Variants in PURG observed in about 807,000 individuals in gnomAD.
PURG encodes the protein purine-rich element-binding protein gamma.
Under a neutral mutation model 24.3 loss-of-function variants are expected in PURG, and 3 were observed. The observed-to-expected ratio is 0.12, with a 90% CI of 0.06 to 0.32. The LOEUF (loss-of-function observed/expected upper bound fraction) is 0.32. Ranked by LOEUF, PURG falls within the 10% of genes least tolerant of loss-of-function variation. PURG has a pLI of 1.00. For missense variants in PURG, 371 were observed against 439.1 expected (o/e 0.84, Z 1.39); for synonymous variants, 180 against 173.1 (o/e 1.04, Z -0.31).
intron 1 of PURG, among the ~76,000 whole-genome samples, chr8:31,013,276 G>A (rs571512475): frequency 2.0e-5 from 3 of 152,192 alleles, no homozygotes; most frequent in South Asian, 2.1e-4. Flanking sequence ...AGAGGAGTAC[G>A]GTTTAATAAC....
chr8:30,997,684 T>C (rs1169389016), intron 1 of PURG, among the ~76,000 whole-genome samples: 1 of 151,890 alleles, frequency 6.6e-6, no homozygotes, highest in East Asian at 1.9e-4. Flanking sequence ...AAGTGGAGTT[T>C]GTCCACTTTG....
intron 1 of PURG, among the ~76,000 whole-genome samples, chr8:31,015,284 T>G (rs1483330741): frequency 6.6e-6 from 1 of 152,154 alleles, no homozygotes. Flanking sequence ...ACAACATTAC[T>G]GAACACTTAG....
rs765573180 is a variant in PURG at position 31,032,592 on chromosome 8, C to T, written c.191G>A (p.Arg64Gln). 6.2e-7 allele frequency: 1 copy of T among 1,610,442 alleles called. No individual in the cohort carries two copies. The highest frequency in any genetic ancestry group is 8.5e-7 in the Non-Finnish European group (1 of 1,177,400). The part of the protein sequence containing the change: ...AAEIQELASK[R>Q]VDIQKKRFYL... ...AAACCTCTTTTTCTGGATGTCCACT[C>T]GTTTGGAGGCCAGCTCCTGGATTTC... Residue 64 changes from arginine (R) to glutamine (Q), a missense_variant, in exon 2 of 2, where the codon CGA (arginine) becomes CAA (glutamine). Arg to Gln is a conservative substitution (Grantham distance 43). This residue lies in a region of PURG where 213 missense variants were observed against 230.6 expected (regional missense o/e 0.92). Transcript: ENST00000523392. This position sits in a 1 kb window ranked among gnomAD's most constrained non-coding sequence, Gnocchi z 5.9.
At chr8:31,014,502 T>C (rs1426590982) in intron 1 of PURG, among the ~76,000 whole-genome samples, 1 of 152,242 alleles carries the variant, frequency 6.6e-6, no homozygotes, top group African/African-American at 2.4e-5. Context: ...AGTATTTTCT[T>C]ACTGCCAAAG....
chr8:31,018,154 T>C (rs1317574770), intron 1 of PURG, among the ~76,000 whole-genome samples: 2 of 152,226 alleles, frequency 1.3e-5, no homozygotes, highest in Non-Finnish European at 2.9e-5. Flanking sequence ...TAAAACCTAG[T>C]TCTTACGTTG....
chr8:30,999,774 G>A (rs529720428), intron 1 of PURG, among the ~76,000 whole-genome samples: 1 of 152,048 alleles, frequency 6.6e-6, no homozygotes, highest in East Asian at 1.9e-4. Flanking sequence ...TAATCAAGGA[G>A]ATGATACTTT....
intron 1 of PURG, among the ~76,000 whole-genome samples, chr8:31,017,645 A>G (rs1474327401): frequency 1.3e-5 from 2 of 152,178 alleles, no homozygotes; most frequent in Non-Finnish European, 2.9e-5. Context: ...AGTGACAAGA[A>G]AAAAGTGGAC....
At position 31,008,496 on chromosome 8, in the gene PURG, G is replaced by A. The variant is rs184283591; in HGVS notation, c.865-11799C>T. On this transcript the variant is annotated intron_variant, in intron 1 of 1. Transcript: ENST00000339382. Reference sequence around the variant, plus strand: ...TTTTTGTATTTTTAGTAAAGATGGGGTTTCACCATGTTGGCCAGGCTGGTC... The same window carrying A: ...TTTTTGTATTTTTAGTAAAGATGGGATTTCACCATGTTGGCCAGGCTGGTC... Among the ~76,000 whole-genome samples the A allele has an allele frequency of 7.2e-5, 11 of 152,254 alleles. No individual in the cohort carries two copies. The East Asian group carries it at 1.7e-3, about 24-fold the overall frequency.
intron 1 of PURG, among the ~76,000 whole-genome samples, chr8:31,022,898 T>A (rs989491258): frequency 6.6e-6 from 1 of 152,250 alleles, no homozygotes; most frequent in African/African-American, 2.4e-5. Flanking sequence ...TCTGTATATA[T>A]CTTTATCCTT....
chr8:31,017,582 C>T (rs1810899639), intron 1 of PURG, among the ~76,000 whole-genome samples: 1 of 152,072 alleles, frequency 6.6e-6, no homozygotes, highest in African/African-American at 2.4e-5. Context: ...TATTTGCCCA[C>T]TTGAAATCTG....
chr8:31,004,561 G>A (rs1810605414), intron 1 of PURG, among the ~76,000 whole-genome samples: 1 of 152,098 alleles, frequency 6.6e-6, no homozygotes, highest in African/African-American at 2.4e-5. Flanking sequence ...CAGCTACTAG[G>A]GAGGCTGAGG....
exon 2 of PURG, chr8:30,996,312 GTC>G (rs1810426847): frequency 4.3e-6 from 1 of 230,106 alleles, no homozygotes; most frequent in African/African-American, 2.3e-5. Context: ...AAATCTATAT[GTC>G]TCTCTACCTC....
chr8:31,032,045 T>G lies in PURG; in HGVS notation c.738A>C (p.Gly246=). Residue 246 remains glycine, a synonymous_variant, in exon 2 of 2, where the codon GGA becomes GGC. Coordinates refer to ENST00000523392, the MANE Select transcript of PURG (RefSeq NM_001323311.2). This position sits in a 1 kb window ranked among gnomAD's most constrained non-coding sequence, Gnocchi z 5.9. ...CTCCACCTCTTCGTTCTTCTATGTC[T>G]CCTTCGCCATAGTCTTCAATCAGCT... ...LVQLIEDYGE[G]DIEERRGGDD... is the part of the protein sequence containing the mutation. 1 of 1,614,160 alleles carries G rather than the reference T, an allele frequency of 6.2e-7. No individual in the cohort carries two copies. Among genetic ancestry groups the G allele is most frequent in the Non-Finnish European group, 8.5e-7 (1 of 1,180,024 alleles).
Position 31,031,710 on chromosome 8 carries a change from A to G in PURG, c.*29T>C. 1.3e-6 allele frequency: 2 copies of G among 1,509,834 alleles called. No individual in the cohort carries two copies. The highest frequency in any genetic ancestry group is 1.8e-6 in the Non-Finnish European group (2 of 1,130,220). The allele number at this position is 1,509,834 out of a possible 1,614,324, so 93.5% of individuals were successfully genotyped here. On this transcript the variant is annotated 3_prime_UTR_variant, in exon 2 of 2. Transcript: ENST00000523392. Reference sequence around the variant, plus strand: ...TACTTTTAGCCAATTTGTGATTTTAAATTTTGCCTGATGGAGTTCAATTTC... The same window carrying G: ...TACTTTTAGCCAATTTGTGATTTTAGATTTTGCCTGATGGAGTTCAATTTC...
downstream of PURG, among the ~76,000 whole-genome samples, chr8:31,026,348 G>C (rs1343245080): frequency 6.6e-6 from 1 of 151,486 alleles, no homozygotes; most frequent in Non-Finnish European, 1.5e-5. Context: ...AATACAGGAA[G>C]GCAAGATGGC....
chr8:31,007,337 A>G (rs1810673644), intron 1 of PURG, among the ~76,000 whole-genome samples: 1 of 152,200 alleles, frequency 6.6e-6, no homozygotes, highest in African/African-American at 2.4e-5. Flanking sequence ...CCTAAATTAT[A>G]ATGGTTCTTT....
At chr8:31,012,268 T>C (rs919195833) in intron 1 of PURG, among the ~76,000 whole-genome samples, 2 of 152,188 alleles carry the variant, frequency 1.3e-5, no homozygotes, top group Non-Finnish European at 2.9e-5. Context: ...TCTAAAAAAA[T>C]CTCTTGGAAC....
At chr8:31,026,597 T>C (rs957091081), downstream of PURG, among the ~76,000 whole-genome samples, 3 of 147,804 alleles carry the variant, frequency 2.0e-5, no homozygotes, top group East Asian at 2.0e-4. Context: ...AGGTACAAGA[T>C]AGTATATATA....
At chr8:31,012,333 TTG>T (rs1408114858) in intron 1 of PURG, among the ~76,000 whole-genome samples, 1 of 152,210 alleles carries the variant, frequency 6.6e-6, no homozygotes, top group Non-Finnish European at 1.5e-5. Flanking sequence ...ATAAGTCTTA[TTG>T]ATTATATATA....
Sources: gnomAD v4.1 joint callset for allele counts (sites outside exome capture counted in the v4.1 genomes callset) on GRCh38, gnomAD v4.1.1 for gene constraint, gnomAD v4.1.1 regional missense constraint, Gnocchi (gnomAD v3.1) non-coding constraint, MANE v1.5 for transcripts, NCBI Gene and HGNC (gene_info 2026-07-23, HGNC 2026-07-21) for gene names.